Variants in GAREM1 observed in about 807,000 individuals in gnomAD.
GAREM1 encodes the protein GRB2 associated regulator of MAPK1 subtype 1.
GAREM1 carries 26 observed loss-of-function variants against 71.3 expected under a neutral mutation model. The ratio of observed to expected loss-of-function variants is 0.36; its 90% CI spans 0.27 to 0.51. The LOEUF (loss-of-function observed/expected upper bound fraction) is 0.51. GAREM1 is among the 20% of genes least tolerant of loss of function. The pLI is 0.95. For synonymous variants in GAREM1, 440 were observed against 433.2 expected (o/e 1.02, Z -0.20); for missense variants, 1,026 against 1,103.1 (o/e 0.93, Z 0.99).
At position 32,279,467 on chromosome 18, in the gene GAREM1, C is replaced by T. The variant is rs111472783; in HGVS notation, c.1566+7564G>A. Among the ~76,000 whole-genome samples the T allele has an allele frequency of 2.9e-3, 439 of 152,254 alleles. 4 individuals are homozygous for T. The highest frequency in any genetic ancestry group is 1.0e-2 in the African/African-American group (415 of 41,560). On this transcript the variant is annotated intron_variant, in intron 4 of 5. Coordinates refer to ENST00000269209, the MANE Select transcript of GAREM1 (RefSeq NM_001242409.2). ...ACTGCACATGTGAGGGATCTTTGCACGTTCCTTATGAGAATCTAGGTTGCG... is the reference window on the plus strand; with the variant it reads ...ACTGCACATGTGAGGGATCTTTGCATGTTCCTTATGAGAATCTAGGTTGCG...
At chr18:32,386,211 C>T (rs1216536154) in intron 2 of GAREM1, among the ~76,000 whole-genome samples, 1 of 152,172 alleles carries the variant, frequency 6.6e-6, no homozygotes, top group African/African-American at 2.4e-5. Context: ...ATGGATGATT[C>T]ATGCTAATTA....
chr18:32,455,286 C>T (rs28681685), intron 1 of GAREM1, among the ~76,000 whole-genome samples: 31,420 of 151,860 alleles, frequency 0.21, 3,719 homozygotes, highest in African/African-American at 0.32. Flanking sequence ...CCATGAAAAA[C>T]TGGGGGAAAG....
At chr18:32,268,833 T>G in intron 5 of GAREM1, 65 bp from the exon 6 acceptor site, 1 of 1,395,272 alleles carries the variant, frequency 7.2e-7, no homozygotes, top group Admixed American at 1.9e-5. Flanking sequence ...AGGCTTTTGT[T>G]ATTTATAGAC....
chr18:32,445,694 T>C (rs1599053204), intron 1 of GAREM1, among the ~76,000 whole-genome samples: 1 of 152,176 alleles, frequency 6.6e-6, no homozygotes, highest in East Asian at 1.9e-4. Flanking sequence ...TATGATTTAG[T>C]TTGTTTCGCA....
intron 1 of GAREM1, among the ~76,000 whole-genome samples, chr18:32,440,170 A>T (rs186118836): frequency 6.6e-6 from 1 of 152,186 alleles, no homozygotes; most frequent in Admixed American, 6.5e-5. Flanking sequence ...TGTTTTAAAG[A>T]CTCCACAGAT....
intron 1 of GAREM1, among the ~76,000 whole-genome samples, chr18:32,417,302 C>T (rs1422213244): frequency 2.6e-5 from 4 of 152,120 alleles, no homozygotes; most frequent in African/African-American, 7.2e-5. Flanking sequence ...CTTTGGAGAA[C>T]AGTTTGGAGG....
chr18:32,423,657 C>T, intron 1 of GAREM1, among the ~76,000 whole-genome samples: 1 of 152,180 alleles, frequency 6.6e-6, no homozygotes, highest in African/African-American at 2.4e-5. Flanking sequence ...CTTATGTATT[C>T]CAACAGACTA....
intron 2 of GAREM1, among the ~76,000 whole-genome samples, chr18:32,344,514 T>C (rs184670352): frequency 1.3e-5 from 2 of 152,242 alleles, no homozygotes; most frequent in East Asian, 1.9e-4. Context: ...TTATGCCTAA[T>C]CACGCTAAAT....
chr18:32,436,931 A>G (rs1179390915), intron 1 of GAREM1, among the ~76,000 whole-genome samples: 1 of 152,194 alleles, frequency 6.6e-6, no homozygotes, highest in Admixed American at 6.5e-5. Context: ...TGAGTCAATA[A>G]ATGTGAAGCC....
chr18:32,327,463 A>C (rs1004642474), intron 2 of GAREM1, among the ~76,000 whole-genome samples: 1 of 152,222 alleles, frequency 6.6e-6, no homozygotes, highest in African/African-American at 2.4e-5. Flanking sequence ...CTATACACAG[A>C]AAATTCATTA....
At chr18:32,285,202 T>C (rs2047000724) in intron 4 of GAREM1, among the ~76,000 whole-genome samples, 2 of 152,124 alleles carry the variant, frequency 1.3e-5, no homozygotes, top group Non-Finnish European at 2.9e-5. Flanking sequence ...TGCCTGATGG[T>C]CCCCAGAGGA....
chr18:32,377,093 C>T (rs1043980007), intron 2 of GAREM1, among the ~76,000 whole-genome samples: 5 of 152,116 alleles, frequency 3.3e-5, no homozygotes, highest in African/African-American at 9.7e-5. Context: ...ATATATAAGA[C>T]CACACGGCCA....
chr18:32,447,861 T>C (rs2144286499), intron 1 of GAREM1, among the ~76,000 whole-genome samples: 1 of 152,328 alleles, frequency 6.6e-6, no homozygotes, highest in South Asian at 2.1e-4. Context: ...ACCAAGAAAC[T>C]ACATAATTTA....
chr18:32,394,070 C>T (rs893339068), intron 1 of GAREM1, among the ~76,000 whole-genome samples: 2 of 152,156 alleles, frequency 1.3e-5, no homozygotes, highest in Admixed American at 1.3e-4. Context: ...GCTATCCCAA[C>T]CTAAAATGTC....
intron 2 of GAREM1, among the ~76,000 whole-genome samples, chr18:32,386,741 A>C (rs943649449): frequency 6.6e-6 from 1 of 152,190 alleles, no homozygotes; most frequent in African/African-American, 2.4e-5. Flanking sequence ...TAGACACTTC[A>C]TGTTCTGATC....
chr18:32,425,779 A>G (rs1295058173), intron 1 of GAREM1, among the ~76,000 whole-genome samples: 1 of 152,192 alleles, frequency 6.6e-6, no homozygotes, highest in African/African-American at 2.4e-5. Flanking sequence ...TAATCTAAGT[A>G]GCTCTTGAAC....
chr18:32,287,817 G>A lies in GAREM1; in HGVS notation c.780C>T (p.Tyr260=), dbSNP rs758278311. The change falls in exon 4 of 6, where the codon TAC becomes TAT. Residue 260 remains tyrosine, a synonymous_variant. Coordinates refer to ENST00000269209, the MANE Select transcript of GAREM1 (RefSeq NM_001242409.2). This position sits in a 1 kb window ranked among gnomAD's most constrained non-coding sequence, Gnocchi z 5.9. The part of the protein sequence containing the change: ...TVPSPPPRNP[Y]DLHFIREGHR... The stretch of plus-strand genomic sequence containing the variant: ...GCCCCTCACGGATGAAGTGGAGGTC[G>A]TATGGGTTTCTCGGTGGAGGGCTTG... 61 of 1,613,820 alleles carry A rather than the reference G, an allele frequency of 3.8e-5. No homozygotes were observed. Among genetic ancestry groups the A allele is most frequent in the Non-Finnish European group, 4.6e-5 (54 of 1,179,974 alleles).
intron 2 of GAREM1, among the ~76,000 whole-genome samples, chr18:32,381,103 G>A (rs1346299200): frequency 6.6e-6 from 1 of 151,766 alleles, no homozygotes; most frequent in Non-Finnish European, 1.5e-5. Flanking sequence ...TTTAGAGCCT[G>A]AGACTTTTGT....
chr18:32,397,921 A>C (rs370658277), intron 1 of GAREM1, among the ~76,000 whole-genome samples: 1 of 152,154 alleles, frequency 6.6e-6, no homozygotes, highest in Non-Finnish European at 1.5e-5. Context: ...GAAGTGAAGC[A>C]CTCCTCAGCA....
Sources: gnomAD v4.1 joint callset for allele counts (sites outside exome capture counted in the v4.1 genomes callset) on GRCh38, gnomAD v4.1.1 for gene constraint, Gnocchi (gnomAD v3.1) non-coding constraint, MANE v1.5 for transcripts, NCBI Gene and HGNC (gene_info 2026-07-23, HGNC 2026-07-21) for gene names.